The following ZNF609 variants were observed in gnomAD, a reference collection of about 807,000 sequenced individuals.
ZNF609 encodes zinc finger protein 609.
Under a neutral mutation model 109.5 loss-of-function variants are expected in ZNF609, and 11 were observed. That is an observed-to-expected ratio of 0.10 (90% confidence interval 0.06 to 0.17). The LOEUF is 0.17. Ranked by LOEUF, ZNF609 falls within the 10% of genes least tolerant of loss-of-function variation. The probability of loss-of-function intolerance (pLI) is 1.00; values close to 1 mark genes in which losing one functional copy is unlikely to be tolerated. For synonymous variants in ZNF609, 646 were observed against 662.0 expected, an observed-to-expected ratio of 0.98 and a Z score of 0.37; for missense variants, 1,559 against 1,772.4, an observed-to-expected ratio of 0.88 and a Z score of 2.16.
intron 2 of ZNF609, among the ~76,000 whole-genome samples, chr15:64,615,226 A>G (rs942963016): frequency 6.6e-6 from 1 of 151,750 alleles, no homozygotes; most frequent in Non-Finnish European, 1.5e-5. Context: ...TCTGGTTGCA[A>G]TCCTCCCATC....
intron 3 of ZNF609, among the ~76,000 whole-genome samples, chr15:64,642,893 T>A (rs561022336): frequency 6.6e-6 from 1 of 152,178 alleles, no homozygotes; most frequent in African/African-American, 2.4e-5. Context: ...AAGAAGAAAA[T>A]CTTAGCTAGT....
Position 64,621,767 on chromosome 15 carries a change from C to CT in ZNF609, c.748-1044dup, listed in dbSNP as rs11327193. On this transcript the variant is annotated intron_variant, in intron 2 of 9. Coordinates refer to ENST00000326648, the MANE Select transcript of ZNF609 (RefSeq NM_015042.2). The stretch of plus-strand genomic sequence containing the variant: ...GGTTTTGGAAGCAAATTGCTTCTTT[C>CT]TTTTTTTTTTTTTTTTGAGACGATC... Among the ~76,000 whole-genome samples, 1,093 of 138,452 alleles carry CT rather than the reference C, an allele frequency of 7.9e-3. 20 individuals are homozygous for CT. Among genetic ancestry groups the CT allele is most frequent in the African/African-American group, 0.027 (1,016 of 37,718 alleles). The allele number at this position is 138,452 out of a possible 152,430, so 90.8% of individuals were successfully genotyped here. A position where few individuals can be genotyped will look rare whatever the true frequency, so the allele number is the denominator to read the frequency against.
chr15:64,475,188 G>A (rs187921561), intron 1 of ZNF609, among the ~76,000 whole-genome samples: 1 of 104,144 alleles, frequency 9.6e-6, no homozygotes, highest in African/African-American at 3.8e-5. Context: ...TTTCTCTTCT[G>A]TTCTGTTGGA....
intron 2 of ZNF609, among the ~76,000 whole-genome samples, chr15:64,514,437 T>C (rs1810019718): frequency 6.6e-6 from 1 of 152,188 alleles, no homozygotes; most frequent in South Asian, 2.1e-4. Context: ...TCCTTCCCTT[T>C]ATTTCTGTAT....
At chr15:64,541,432 A>G (rs1305842829) in intron 2 of ZNF609, among the ~76,000 whole-genome samples, 1 of 151,276 alleles carries the variant, frequency 6.6e-6, no homozygotes, top group Non-Finnish European at 1.5e-5. Flanking sequence ...GTCTCAAAAA[A>G]AAAAAAAAAA....
chr15:64,673,140 G>A (rs1732427845), intron 4 of ZNF609, among the ~76,000 whole-genome samples: 1 of 152,186 alleles, frequency 6.6e-6, no homozygotes, highest in South Asian at 2.1e-4. Context: ...GAAGCAGTAA[G>A]TAGCTTTACA....
intron 3 of ZNF609, among the ~76,000 whole-genome samples, chr15:64,639,425 A>C (rs895943608): frequency 6.6e-6 from 1 of 152,230 alleles, no homozygotes; most frequent in Non-Finnish European, 1.5e-5. Context: ...TGGCAGGACC[A>C]TCTGTCTCCT....
intron 2 of ZNF609, among the ~76,000 whole-genome samples, chr15:64,534,276 G>A (rs551885298): frequency 6.6e-6 from 1 of 151,676 alleles, no homozygotes; most frequent in Non-Finnish European, 1.5e-5. Flanking sequence ...CTCCCAAAGT[G>A]GTGGTATTAC....
chr15:64,603,375 ATTC>A (rs1458834627), intron 2 of ZNF609, among the ~76,000 whole-genome samples: 6 of 151,304 alleles, frequency 4.0e-5, no homozygotes, highest in African/African-American at 1.5e-4. Context: ...GGTTCAAGCA[ATTC>A]TTCTGCCTCA....
intron 3 of ZNF609, among the ~76,000 whole-genome samples, chr15:64,639,124 T>C (rs1183809306): frequency 6.6e-6 from 1 of 152,088 alleles, no homozygotes; most frequent in Non-Finnish European, 1.5e-5. Context: ...AAGATGGAGC[T>C]TGGACTTGCC....
chr15:64,606,751 C>G (rs899554948), intron 2 of ZNF609, among the ~76,000 whole-genome samples: 16 of 151,958 alleles, frequency 1.1e-4, no homozygotes, highest in Non-Finnish European at 1.9e-4. Context: ...ATCAGTAATA[C>G]CAGCACTTTG....
intron 6 of ZNF609, among the ~76,000 whole-genome samples, chr15:64,679,413 CT>C (rs1238454422): frequency 6.6e-6 from 1 of 152,184 alleles, no homozygotes; most frequent in Non-Finnish European, 1.5e-5. Flanking sequence ...TCTTATTTAA[CT>C]CTACTCGTTT....
intron 3 of ZNF609, among the ~76,000 whole-genome samples, chr15:64,658,846 A>G (rs1175232877): frequency 1.3e-5 from 2 of 152,102 alleles, no homozygotes; most frequent in African/African-American, 4.8e-5. Flanking sequence ...TATAGATTAT[A>G]TCTATTGATA....
At chr15:64,580,662 C>T (rs1042119620) in intron 2 of ZNF609, among the ~76,000 whole-genome samples, 6 of 151,866 alleles carry the variant, frequency 4.0e-5, no homozygotes, top group Non-Finnish European at 7.4e-5. Context: ...CTGCCTCAGC[C>T]TCCCGAGTAA....
Position 64,469,093 on chromosome 15 carries a change from G to T in ZNF609, c.-128+8255G>T, listed in dbSNP as rs185948153. Among the ~76,000 whole-genome samples the T allele has an allele frequency of 5.9e-5, 8 of 136,336 alleles. No individual in the cohort carries two copies. In the East Asian group the frequency reaches 9.2e-4, roughly 16 times the overall value. 89.4% of individuals were successfully genotyped at this position (136,336 alleles called of 152,430 possible). A position where few individuals can be genotyped will look rare whatever the true frequency, so the allele number is the denominator to read the frequency against. On this transcript the variant is annotated intron_variant, in intron 1 of 9. Transcript: ENST00000326648. The stretch of plus-strand genomic sequence containing the variant: ...AGCCTGGCCAACATGGTGAAACCTT[G>T]TCTCTACTAAAAGTACAAAATTAGC...
intron 3 of ZNF609, among the ~76,000 whole-genome samples, chr15:64,663,282 G>A (rs995738279): frequency 4.6e-5 from 7 of 152,164 alleles, no homozygotes; most frequent in Admixed American, 6.5e-5. Context: ...TTTGCTGATG[G>A]TCAGGTGTGG....
At chr15:64,588,426 TAAAA>T (rs1167575851) in intron 2 of ZNF609, among the ~76,000 whole-genome samples, 1 of 5,896 alleles carries the variant, frequency 1.7e-4, no homozygotes, top group East Asian at 0.022. Context: ...ACACTCTGTC[TAAAA>T]AAAAAAAAAA....
At chr15:64,529,697 T>C in intron 2 of ZNF609, 3 of 694,150 alleles carry the variant, frequency 4.3e-6, no homozygotes, top group South Asian at 1.4e-5. Context: ...CAGCTGCCAA[T>C]GCGAGAGAAT....
intron 2 of ZNF609, among the ~76,000 whole-genome samples, chr15:64,550,544 A>G (rs1894449231): frequency 6.7e-6 from 1 of 149,302 alleles, no homozygotes; most frequent in Admixed American, 6.7e-5. Flanking sequence ...TAAATAATTA[A>G]AAAAAAAAAG....
Sources: allele counts gnomAD v4.1 joint callset (sites outside exome capture counted in the v4.1 genomes callset), GRCh38; gene constraint gnomAD v4.1.1; transcripts MANE v1.5; gene names NCBI Gene and HGNC (gene_info 2026-07-23, HGNC 2026-07-21).